GRM3: variants seen among roughly 807,000 people sequenced by gnomAD.
GRM3 encodes the protein glutamate metabotropic receptor 3.
A neutral mutation model predicts 70.5 loss-of-function variants in GRM3; 26 were observed. The ratio of observed to expected loss-of-function variants is 0.37; its 90% CI spans 0.27 to 0.51. The LOEUF (loss-of-function observed/expected upper bound fraction) is 0.51. Among genes scored for constraint, GRM3 ranks in the 20% least tolerant of loss-of-function variants. GRM3 has a pLI of 0.93. For synonymous variants in GRM3, 443 were observed against 434.9 expected (o/e 1.02, Z -0.23); for missense variants, 859 against 1,123.8 (o/e 0.76, Z 3.37).
chr7:86,843,255 T>C (rs531613573), intron 4 of GRM3, among the ~76,000 whole-genome samples: 8 of 152,268 alleles, frequency 5.3e-5, no homozygotes, highest in African/African-American at 1.9e-4. Context: ...ATTAGAAAGA[T>C]GAGTAAACAG....
intron 2 of GRM3, among the ~76,000 whole-genome samples, chr7:86,773,109 CATAGT>C (rs1407213870): frequency 6.6e-6 from 1 of 151,996 alleles, no homozygotes; most frequent in East Asian, 1.9e-4. Flanking sequence ...AGATAATGAA[CATAGT>C]ATCCAGTGGG....
intron 1 of GRM3, among the ~76,000 whole-genome samples, chr7:86,647,769 C>A (rs148155978): frequency 6.4e-4 from 97 of 152,232 alleles, no homozygotes; most frequent in African/African-American, 2.2e-3. Flanking sequence ...ATCACTGAGA[C>A]GGCAAAAACT....
At chr7:86,853,914 C>G (rs536286927) in intron 5 of GRM3, among the ~76,000 whole-genome samples, 9 of 152,138 alleles carry the variant, frequency 5.9e-5, no homozygotes, top group Admixed American at 5.9e-4. Context: ...GATGCTTTCA[C>G]TCTTATTCCT....
intron 1 of GRM3, among the ~76,000 whole-genome samples, chr7:86,717,694 T>C (rs962176464): frequency 6.6e-6 from 1 of 151,826 alleles, no homozygotes; most frequent in Non-Finnish European, 1.5e-5. Context: ...AAGTGGGAAA[T>C]CCTCCGTGTT....
intron 5 of GRM3, among the ~76,000 whole-genome samples, chr7:86,851,171 G>A (rs1024870800): frequency 6.6e-6 from 1 of 152,072 alleles, no homozygotes; most frequent in Admixed American, 6.6e-5. Context: ...TTTTATCACA[G>A]TAAAACTAAC....
At chr7:86,810,998 G>T (rs1379417751) in intron 3 of GRM3, among the ~76,000 whole-genome samples, 1 of 151,562 alleles carries the variant, frequency 6.6e-6, no homozygotes, top group African/African-American at 2.4e-5. Context: ...ATTTTTAATT[G>T]ACACTGGCCA....
intron 5 of GRM3, among the ~76,000 whole-genome samples, chr7:86,854,616 T>G (rs1798813736): frequency 6.6e-6 from 1 of 152,142 alleles, no homozygotes; most frequent in African/African-American, 2.4e-5. Flanking sequence ...AATAACTCCT[T>G]TGAAATGGAG....
At position 86,655,820 on chromosome 7, in the gene GRM3, C is replaced by CTG. The variant is rs371609030; in HGVS notation, c.-141+10979_-141+10980dup. On this transcript the variant is annotated intron_variant, in intron 1 of 5. Transcript: ENST00000361669. The stretch of plus-strand genomic sequence containing the variant: ...GACCCCAAGATTTTTAAGGCTAACT[C>CTG]TGTGTGTGTGTGTGTGTGTGTGTGT... Among the ~76,000 whole-genome samples, 1,291 of 144,480 alleles carry CTG rather than the reference C, an allele frequency of 8.9e-3. 12 individuals carry two copies. Among genetic ancestry groups the CTG allele is most frequent in the African/African-American group, 0.022 (839 of 37,850 alleles). 94.8% of individuals were successfully genotyped at this position (144,480 alleles called of 152,430 possible). A position where few individuals can be genotyped will look rare whatever the true frequency, so the allele number is the denominator to read the frequency against.
intron 1 of GRM3, among the ~76,000 whole-genome samples, chr7:86,658,474 T>C (rs956459304): frequency 2.6e-5 from 4 of 152,200 alleles, no homozygotes; most frequent in Admixed American, 2.6e-4. Flanking sequence ...GTTTAAATTC[T>C]ATACTACTTC....
At chr7:86,663,616 T>G in intron 1 of GRM3, among the ~76,000 whole-genome samples, 1 of 151,908 alleles carries the variant, frequency 6.6e-6, no homozygotes, top group East Asian at 1.9e-4. Flanking sequence ...ATTATGTCTT[T>G]TTTTTGTTGT....
chr7:86,743,652 TTGAAATAAAAAAGTTTC>T (rs1317645074), intron 1 of GRM3, among the ~76,000 whole-genome samples: 1 of 152,154 alleles, frequency 6.6e-6, no homozygotes, highest in African/African-American at 2.4e-5. Flanking sequence ...CCTGTATTGA[TTGAAATAAAAAAGTTTC>T]TGATATTATA....
intron 3 of GRM3, among the ~76,000 whole-genome samples, chr7:86,819,467 A>G (rs975158053): frequency 2.6e-5 from 4 of 152,126 alleles, no homozygotes; most frequent in African/African-American, 9.7e-5. Flanking sequence ...AAGCCAACAA[A>G]AGAAGTGCTC....
intron 3 of GRM3, chr7:86,832,934 A>T (rs536999634): frequency 2.8e-4 from 209 of 747,818 alleles, no homozygotes; most frequent in Non-Finnish European, 3.3e-4. Flanking sequence ...AGTGATGAGG[A>T]GCTTGAAATT....
chr7:86,700,918 C>G (rs374570892), intron 1 of GRM3, among the ~76,000 whole-genome samples: 1 of 151,830 alleles, frequency 6.6e-6, no homozygotes, highest in African/African-American at 2.4e-5. Flanking sequence ...TAATTAGAAA[C>G]GTATCATTTC....
Position 86,856,644 on chromosome 7 carries a change from A to G in GRM3, c.2566+6100A>G, listed in dbSNP as rs180908502. ...ACAGCATTCCTGAGAATCTCATTCC[A>G]TTCCCTTTTACTCCCTTTGTCATTG... On this transcript the variant is annotated intron_variant, in intron 5 of 5. Transcript: ENST00000361669. Among the ~76,000 whole-genome samples the G allele has an allele frequency of 5.5e-3, 836 of 152,258 alleles. 9 individuals carry two copies. The highest frequency in any genetic ancestry group is 0.01 in the Middle Eastern group (3 of 292).
intron 1 of GRM3, among the ~76,000 whole-genome samples, chr7:86,707,906 A>G (rs1266402193): frequency 2.0e-5 from 3 of 152,136 alleles, no homozygotes; most frequent in African/African-American, 7.2e-5. Flanking sequence ...CACTTTACAA[A>G]TAGTTCATTT....
intron 1 of GRM3, among the ~76,000 whole-genome samples, chr7:86,708,468 G>T (rs971561245): frequency 6.6e-6 from 1 of 152,148 alleles, no homozygotes; most frequent in Non-Finnish European, 1.5e-5. Context: ...CTGATTGAGG[G>T]CATGTTGCCC....
At chr7:86,694,532 AAG>A (rs1794770296) in intron 1 of GRM3, among the ~76,000 whole-genome samples, 2 of 148,290 alleles carry the variant, frequency 1.3e-5, no homozygotes, top group Non-Finnish European at 3.0e-5. Flanking sequence ...AAAAAAAGAA[AAG>A]AAAGAAAGAA....
rs754748721 is a variant in GRM3, at chr7:86,786,236, A to G, written c.469-25A>G. The G allele has an allele frequency of 1.9e-6, 3 of 1,589,474 alleles. No homozygotes were observed. The highest frequency in any genetic ancestry group is 1.7e-6 in the Non-Finnish European group (2 of 1,167,392). On this transcript the variant is annotated intron_variant, in intron 2 of 5. Transcript: ENST00000361669. This position sits in a 1 kb window ranked among gnomAD's most constrained non-coding sequence, Gnocchi z 6.0. Reference sequence around the variant, plus strand: ...GTCATCTACCTCGGGGTTTCTAACAAAGGTCCTTCTTCTCCCTCCCCTAGG... The same window carrying G: ...GTCATCTACCTCGGGGTTTCTAACAGAGGTCCTTCTTCTCCCTCCCCTAGG...
Sources: allele counts gnomAD v4.1 joint callset (sites outside exome capture counted in the v4.1 genomes callset), GRCh38; gene constraint gnomAD v4.1.1; non-coding constraint Gnocchi (gnomAD v3.1); transcripts MANE v1.5; gene names NCBI Gene and HGNC (gene_info 2026-07-23, HGNC 2026-07-21).